MYO9B: variants seen among roughly 807,000 people sequenced by gnomAD.
MYO9B encodes the protein myosin IXB.
A neutral mutation model predicts 229.5 loss-of-function variants in MYO9B; 71 were observed. The observed-to-expected ratio is 0.31, with a 90% CI of 0.26 to 0.38. The LOEUF (loss-of-function observed/expected upper bound fraction) is 0.38. MYO9B is among the 10% of genes least tolerant of loss of function. MYO9B has a pLI of 1.00. For missense variants in MYO9B, 2,255 were observed against 2,920.5 expected (o/e 0.77, Z 5.25); for synonymous variants, 1,185 against 1,235.8 (o/e 0.96, Z 0.86).
At chr19:17,152,270 T>C (rs968469663) in intron 3 of MYO9B, among the ~76,000 whole-genome samples, 1 of 151,522 alleles carries the variant, frequency 6.6e-6, no homozygotes, top group Admixed American at 6.6e-5. Context: ...ATAACAAATA[T>C]TGGCCAGGGA....
chr19:17,146,663 T>C (rs1019011759), intron 3 of MYO9B, among the ~76,000 whole-genome samples: 3 of 151,860 alleles, frequency 2.0e-5, no homozygotes, highest in Admixed American at 1.3e-4. Context: ...AATAAATGGG[T>C]AGATTTTGTG....
At chr19:17,190,890 A>C (rs62126161) in intron 19 of MYO9B, among the ~76,000 whole-genome samples, 80,943 of 151,526 alleles carry the variant, frequency 0.53, 23,457 homozygotes, top group African/African-American at 0.74. Context: ...GGTGATCCAC[A>C]CACCTCGGCC....
intron 8 of MYO9B, among the ~76,000 whole-genome samples, chr19:17,161,933 A>G (rs1319545999): frequency 6.7e-6 from 1 of 149,934 alleles, no homozygotes; most frequent in Non-Finnish European, 1.5e-5. Context: ...GTTTGCAGTG[A>G]GCCAAGATTG....
At chr19:17,084,206 C>A (rs1318145816) in intron 1 of MYO9B, among the ~76,000 whole-genome samples, 1 of 151,918 alleles carries the variant, frequency 6.6e-6, no homozygotes, top group Non-Finnish European at 1.5e-5. Context: ...GGTATGTTGA[C>A]ACATGCCTGT....
chr19:17,187,244 T>C (rs1182288449), intron 18 of MYO9B, among the ~76,000 whole-genome samples: 2 of 152,306 alleles, frequency 1.3e-5, no homozygotes, highest in East Asian at 3.9e-4. Context: ...TGTTCCCTCC[T>C]CAGGACACAG....
chr19:17,188,472 C>CAAG (rs2072944850), intron 19 of MYO9B, among the ~76,000 whole-genome samples: 1 of 150,670 alleles, frequency 6.6e-6, no homozygotes, highest in Non-Finnish European at 1.5e-5. Context: ...TGCCTCATGC[C>CAAG]AAGAGCTAGT....
At position 17,195,462 on chromosome 19, in the gene MYO9B, C is replaced by T; in HGVS notation, c.4035C>T (p.Leu1345=). 6.3e-7 allele frequency: 1 copy of T among 1,596,992 alleles called. No individual in the cohort carries two copies. The highest frequency in any genetic ancestry group is 8.5e-7 in the Non-Finnish European group (1 of 1,176,554). The change falls in exon 22 of 40, where the codon CTC becomes CTT. Residue 1345 remains leucine, a synonymous_variant. Coordinates refer to ENST00000682292, the MANE Select transcript of MYO9B (RefSeq NM_004145.4). The surrounding 1 kb of genome is among the most constrained non-coding windows in gnomAD (Gnocchi z 4.5). ...GACACCGGGCCACAGGGGCCGCCCT[C>T]ACGCCCACAGAGTAAGCCCCACACC... The part of the protein sequence containing the change: ...SDRHRATGAA[L]TPTEERRTSF...
chr19:17,102,537 GGTGCTGGCCCT>G lies in MYO9B; in HGVS notation c.828_838del (p.Pro277GlyfsTer41). ...CAGCGGCGTCGAGAGGACCATCCTGGGTGCTGGCCCTGTGCTGGAGGTGAGCGGGGAAGCTG... is the reference window on the plus strand; with the variant it reads ...CAGCGGCGTCGAGAGGACCATCCTGGGTGCTGGAGGTGAGCGGGGAAGCTG... On this transcript the variant is annotated frameshift_variant, in exon 2 of 40. Coordinates refer to ENST00000682292, the MANE Select transcript of MYO9B (RefSeq NM_004145.4). LOFTEE classifies it high-confidence loss of function. 3 of 1,601,604 alleles carry G rather than the reference GGTGCTGGCCCT, an allele frequency of 1.9e-6. No individual in the cohort carries two copies. Among genetic ancestry groups the G allele is most frequent in the Non-Finnish European group, 2.6e-6 (3 of 1,173,726 alleles).
chr19:17,126,217 G>C (rs1396720673), intron 2 of MYO9B, among the ~76,000 whole-genome samples: 7 of 152,162 alleles, frequency 4.6e-5, no homozygotes, highest in Non-Finnish European at 1.0e-4. Flanking sequence ...TCTGCTCCCA[G>C]CTCCCAGGGA....
intron 27 of MYO9B, 22 bp downstream of exon 27, chr19:17,202,046 A>G: frequency 1.2e-6 from 2 of 1,611,504 alleles, no homozygotes; most frequent in Non-Finnish European, 1.7e-6. Flanking sequence ...CCCGGCCTTC[A>G]GCCTTTCCCA....
intron 7 of MYO9B, chr19:17,157,247 G>A (rs2072547298): frequency 1.8e-6 from 1 of 556,682 alleles, no homozygotes; most frequent in African/African-American, 1.9e-5. Flanking sequence ...ACCCTCAAGT[G>A]AAAGCCTCTT....
At chr19:17,100,759 G>T (rs565981883) in intron 1 of MYO9B, among the ~76,000 whole-genome samples, 1 of 152,158 alleles carries the variant, frequency 6.6e-6, no homozygotes, top group South Asian at 2.1e-4. Flanking sequence ...CCAGTAGTCT[G>T]GAGTTGTGGC....
At chr19:17,158,178 T>C (rs1308225458) in intron 7 of MYO9B, among the ~76,000 whole-genome samples, 1 of 152,172 alleles carries the variant, frequency 6.6e-6, no homozygotes, top group Non-Finnish European at 1.5e-5. Flanking sequence ...AGTCTTTTGT[T>C]TTTTAATCCA....
At chr19:17,136,810 G>T (rs1568268342) in intron 2 of MYO9B, among the ~76,000 whole-genome samples, 1 of 152,180 alleles carries the variant, frequency 6.6e-6, no homozygotes, top group African/African-American at 2.4e-5. Flanking sequence ...CAACAGGTCA[G>T]ACCGGGCCCA....
chr19:17,110,192 C>T (rs1006281425), intron 2 of MYO9B, among the ~76,000 whole-genome samples: 3 of 152,182 alleles, frequency 2.0e-5, no homozygotes, highest in African/African-American at 7.2e-5. Flanking sequence ...CCGCCCCCCG[C>T]GAGGGTTGCA....
intron 5 of MYO9B, 28 bp from the exon 6 acceptor site, chr19:17,154,287 C>A: frequency 6.2e-7 from 1 of 1,600,012 alleles, no homozygotes; most frequent in South Asian, 1.1e-5. Context: ...CCAGGAATGC[C>A]CAGAGTACCC....
chr19:17,081,249 A>T (rs2057531354), intron 1 of MYO9B, among the ~76,000 whole-genome samples: 1 of 152,088 alleles, frequency 6.6e-6, no homozygotes, highest in Non-Finnish European at 1.5e-5. Flanking sequence ...GCTGGTCTTA[A>T]ACTCCTGACA....
chr19:17,115,787 C>T (rs78046814), intron 2 of MYO9B, among the ~76,000 whole-genome samples: 4,691 of 151,856 alleles, frequency 0.031, 160 homozygotes, highest in Middle Eastern at 0.092. Context: ...GTCTTCTTAT[C>T]TTCTGCTCAG....
intron 22 of MYO9B, 91 bp from the exon 23 acceptor site, chr19:17,197,701 C>A: frequency 6.8e-7 from 1 of 1,471,310 alleles, no homozygotes; most frequent in Non-Finnish European, 9.5e-7. Flanking sequence ...AGGGGCAGAA[C>A]TGCCCAAGTG....
Sources: gnomAD v4.1 joint callset for allele counts (sites outside exome capture counted in the v4.1 genomes callset) on GRCh38, gnomAD v4.1.1 for gene constraint, Gnocchi (gnomAD v3.1) non-coding constraint, MANE v1.5 for transcripts, NCBI Gene and HGNC (gene_info 2026-07-23, HGNC 2026-07-21) for gene names.